TMEM163: variants seen among roughly 807,000 people sequenced by gnomAD.
TMEM163 encodes transmembrane protein 163.
In TMEM163, 17 loss-of-function variants were observed where a neutral mutation model predicts 29.3. The ratio of observed to expected loss-of-function variants is 0.58; its 90% confidence interval spans 0.40 to 0.87. The LOEUF is 0.87. Ranked by LOEUF, TMEM163 falls within the 40% of genes least tolerant of loss-of-function variation. TMEM163 has a pLI of 0.00. For synonymous variants in TMEM163, 157 were observed against 160.6 expected (o/e 0.98, Z 0.17); for missense variants, 303 against 381.5 (o/e 0.79, Z 1.71).
At chr2:134,546,921 GAAAT>G (rs905587227) in intron 4 of TMEM163, among the ~76,000 whole-genome samples, 143 of 152,264 alleles carry the variant, frequency 9.4e-4, no homozygotes, top group African/African-American at 3.3e-3. Context: ...TATGCTAACT[GAAAT>G]AAACCAGTCA....
chr2:134,682,897 A>C (rs1684277199), intron 2 of TMEM163, among the ~76,000 whole-genome samples: 1 of 152,214 alleles, frequency 6.6e-6, no homozygotes, highest in African/African-American at 2.4e-5. Flanking sequence ...TGAGTGGATA[A>C]ACTTTGCTAC....
intron 5 of TMEM163, among the ~76,000 whole-genome samples, chr2:134,483,933 C>A (rs1679259141): frequency 6.6e-6 from 1 of 152,172 alleles, no homozygotes; most frequent in Non-Finnish European, 1.5e-5. Context: ...CACCTGAGGT[C>A]AGGAGTTCGA....
chr2:134,698,286 C>G (rs530562816), intron 2 of TMEM163, among the ~76,000 whole-genome samples: 1 of 152,344 alleles, frequency 6.6e-6, no homozygotes, highest in African/African-American at 2.4e-5. Flanking sequence ...GGATTAACAT[C>G]TTTAATGGTC....
chr2:134,563,165 A>G (rs1681220755), intron 2 of TMEM163, among the ~76,000 whole-genome samples: 1 of 152,258 alleles, frequency 6.6e-6, no homozygotes, highest in African/African-American at 2.4e-5. Context: ...TACAAGAATC[A>G]GACACCACCA....
chr2:134,497,832 C>G (rs1444270703), intron 5 of TMEM163, among the ~76,000 whole-genome samples: 1 of 152,168 alleles, frequency 6.6e-6, no homozygotes. Context: ...AAGACAGCTA[C>G]AGCTGACTGA....
intron 5 of TMEM163, among the ~76,000 whole-genome samples, chr2:134,497,123 T>C (rs962779966): frequency 6.6e-6 from 1 of 152,250 alleles, no homozygotes; most frequent in Non-Finnish European, 1.5e-5. Context: ...GTGTCTATTA[T>C]AGCTGTTATC....
rs186202157 is a variant in TMEM163, at chr2:134,635,425, C to T, written c.322+77775G>A. On this transcript the variant is annotated intron_variant, in intron 2 of 7. Coordinates refer to ENST00000281924, the MANE Select transcript of TMEM163 (RefSeq NM_030923.5). ...AATAGCAATTCATCCTTCTCTATCC[C>T]TCTTCCATCAATCATCAGTTGAGTT... Among the ~76,000 whole-genome samples, 8 of 152,278 alleles carry T rather than the reference C, an allele frequency of 5.3e-5. No homozygotes were observed. In the East Asian group the frequency reaches 1.5e-3, roughly 29 times the overall value.
intron 3 of TMEM163, among the ~76,000 whole-genome samples, chr2:134,551,450 G>T (rs1327079342): frequency 6.6e-6 from 1 of 152,182 alleles, no homozygotes; most frequent in Non-Finnish European, 1.5e-5. Context: ...AAAGCTACGC[G>T]GCGGGGGTTG....
chr2:134,456,265 G>T lies in TMEM163; in HGVS notation c.*451C>A. The T allele has an allele frequency of 6.2e-6, 1 of 161,902 alleles. No homozygotes were observed. Among genetic ancestry groups the T allele is most frequent in the Non-Finnish European group, 1.4e-5 (1 of 73,592 alleles). 10.0% of individuals were successfully genotyped at this position (161,902 alleles called of 1,614,324 possible). A position where few individuals can be genotyped will look rare whatever the true frequency, so the allele number is the denominator to read the frequency against. On this transcript the variant is annotated 3_prime_UTR_variant, in exon 8 of 8. Coordinates refer to ENST00000281924, the MANE Select transcript of TMEM163 (RefSeq NM_030923.5). ...GGAAGTGACATACTGATGATTCTGG[G>T]TATGTAAAGGGTGAGGGGTACAATC...
chr2:134,684,937 A>AAG (rs34346895), intron 2 of TMEM163, among the ~76,000 whole-genome samples: 18,082 of 150,306 alleles, frequency 0.12, 1,473 homozygotes, highest in Middle Eastern at 0.35. Flanking sequence ...AAAAAAAAAA[A>AAG]AAAGAAAAAG....
intron 2 of TMEM163, among the ~76,000 whole-genome samples, chr2:134,582,218 T>C (rs150421886): frequency 1.3e-5 from 2 of 152,208 alleles, no homozygotes; most frequent in East Asian, 3.9e-4. Context: ...TTTTGCAAAA[T>C]TGTTTTCTCA....
chr2:134,495,146 C>T (rs1679521288), intron 5 of TMEM163, among the ~76,000 whole-genome samples: 1 of 152,316 alleles, frequency 6.6e-6, no homozygotes, highest in South Asian at 2.1e-4. Context: ...AGAGCGCTTT[C>T]ACGAGTGGCA....
intron 2 of TMEM163, among the ~76,000 whole-genome samples, chr2:134,618,436 A>C (rs960824229): frequency 2.0e-5 from 3 of 152,210 alleles, no homozygotes; most frequent in Non-Finnish European, 2.9e-5. Context: ...AAAAAGAAAA[A>C]TAGATAATTC....
chr2:134,585,538 A>G (rs59107976), intron 2 of TMEM163, among the ~76,000 whole-genome samples: 9,145 of 152,158 alleles, frequency 0.06, 777 homozygotes, highest in East Asian at 0.27. Flanking sequence ...GTCAAGAGAT[A>G]GAGACCATCC....
intron 2 of TMEM163, among the ~76,000 whole-genome samples, chr2:134,578,809 C>A (rs1681621325): frequency 6.6e-6 from 1 of 151,916 alleles, no homozygotes; most frequent in African/African-American, 2.4e-5. Flanking sequence ...TGTGTGCATA[C>A]AAAGCAACAA....
chr2:134,484,474 C>T (rs1574167215), intron 5 of TMEM163, among the ~76,000 whole-genome samples: 1 of 152,048 alleles, frequency 6.6e-6, no homozygotes, highest in South Asian at 2.1e-4. Context: ...AACTCAAAAC[C>T]AGCCTGAGCA....
chr2:134,514,383 CTTTTT>C (rs150211429), intron 4 of TMEM163, among the ~76,000 whole-genome samples: 38,567 of 125,430 alleles, frequency 0.31, 5,937 homozygotes, highest in South Asian at 0.54. Context: ...TACTGATGAT[CTTTTT>C]TTTTTTTTTT....
chr2:134,519,436 G>A (rs550738036), intron 4 of TMEM163, among the ~76,000 whole-genome samples: 19 of 152,312 alleles, frequency 1.2e-4, no homozygotes, highest in African/African-American at 4.1e-4. Context: ...AATGAGGTCA[G>A]AGCAGTGGCT....
intron 5 of TMEM163, chr2:134,469,405 C>G (rs918694437): frequency 1.3e-5 from 2 of 152,202 alleles, no homozygotes; most frequent in Admixed American, 6.5e-5. Context: ...GGGCAGGTCA[C>G]TTAACCCCTC....
Sources: gnomAD v4.1 joint callset for allele counts (sites outside exome capture counted in the v4.1 genomes callset) on GRCh38, gnomAD v4.1.1 for gene constraint, MANE v1.5 for transcripts, NCBI Gene and HGNC (gene_info 2026-07-23, HGNC 2026-07-21) for gene names.